Variants in GABRB1 observed in about 807,000 individuals in gnomAD.
The protein encoded by GABRB1 is gamma-aminobutyric acid receptor subunit beta-1.
In GABRB1, 17 loss-of-function variants were observed where a neutral mutation model predicts 51.6. That is an observed-to-expected ratio of 0.33 (90% confidence interval 0.23 to 0.49). The LOEUF (loss-of-function observed/expected upper bound fraction) is 0.49, where lower values mean the gene tolerates loss of function less well. Ranked by LOEUF, GABRB1 falls within the 20% of genes least tolerant of loss-of-function variation. The probability of loss-of-function intolerance (pLI) is 0.99; values close to 1 mark genes in which losing one functional copy is unlikely to be tolerated. For missense variants in GABRB1, 410 were observed against 600.6 expected, an observed-to-expected ratio of 0.68 and a Z score of 3.32; for synonymous variants, 247 against 218.9, an observed-to-expected ratio of 1.13 and a Z score of -1.14.
intron 4 of GABRB1, among the ~76,000 whole-genome samples, chr4:47,290,312 C>T (rs1723675796): frequency 6.6e-6 from 1 of 152,218 alleles, no homozygotes; most frequent in South Asian, 2.1e-4. Flanking sequence ...CACAAGCTCT[C>T]TTCTCTTGTG....
intron 3 of GABRB1, among the ~76,000 whole-genome samples, chr4:47,049,209 T>C (rs1726237063): frequency 6.6e-6 from 1 of 152,106 alleles, no homozygotes; most frequent in South Asian, 2.1e-4. Flanking sequence ...GCAAAGGCGA[T>C]TTGTTTGTTT....
intron 4 of GABRB1, among the ~76,000 whole-genome samples, chr4:47,196,927 A>G (rs1273863319): frequency 6.6e-6 from 1 of 152,232 alleles, no homozygotes; most frequent in African/African-American, 2.4e-5. Context: ...CCTTGAAGGC[A>G]GTGCTCAAAA....
intron 3 of GABRB1, among the ~76,000 whole-genome samples, chr4:47,099,094 T>C (rs562890649): frequency 1.3e-5 from 2 of 152,068 alleles, no homozygotes; most frequent in Non-Finnish European, 2.9e-5. Context: ...AGCAAGATTG[T>C]GAAGATACAT....
intron 4 of GABRB1, among the ~76,000 whole-genome samples, chr4:47,252,654 CCCA>C (rs994472228): frequency 2.0e-5 from 3 of 151,610 alleles, no homozygotes; most frequent in African/African-American, 7.3e-5. Flanking sequence ...GTTACAGGCA[CCCA>C]CCACCATGCC....
At position 47,282,056 on chromosome 4, in the gene GABRB1, AAAG is replaced by A. The variant is rs200022375; in HGVS notation, c.462-38069_462-38067del. On this transcript the variant is annotated intron_variant, in intron 4 of 8. Transcript: ENST00000295454. ...ATATTTAATGTTCTCATCATTAAAA[AAAG>A]ATGAATTGTTAAAATGATTGATATG... Among the ~76,000 whole-genome samples the A allele has an allele frequency of 3.9e-4, 59 of 150,920 alleles. No homozygotes were observed. The East Asian group carries it at 0.012, about 30-fold the overall frequency.
intron 4 of GABRB1, among the ~76,000 whole-genome samples, chr4:47,294,283 C>T (rs1014398753): frequency 5.3e-5 from 8 of 152,106 alleles, no homozygotes; most frequent in Non-Finnish European, 7.4e-5. Flanking sequence ...GCACTGTGCC[C>T]GAGCTGAAGC....
At chr4:47,109,157 T>C (rs1715112738) in intron 3 of GABRB1, among the ~76,000 whole-genome samples, 1 of 152,038 alleles carries the variant, frequency 6.6e-6, no homozygotes. Context: ...ATGCTTAACG[T>C]GAATGTGGTT....
chr4:47,339,874 A>C (rs1467909491), intron 5 of GABRB1, among the ~76,000 whole-genome samples: 1 of 149,646 alleles, frequency 6.7e-6, no homozygotes, highest in Non-Finnish European at 1.5e-5. Flanking sequence ...TGGGAAACTT[A>C]ATTAACTTTC....
chr4:47,275,692 C>T (rs563252694), intron 4 of GABRB1, among the ~76,000 whole-genome samples: 8 of 152,140 alleles, frequency 5.3e-5, no homozygotes, highest in Admixed American at 2.0e-4. Context: ...AACCACCAGA[C>T]GCCTTGTCTG....
At chr4:47,023,717 A>C (rs1359206950) in intron 1 of GABRB1, among the ~76,000 whole-genome samples, 1 of 152,066 alleles carries the variant, frequency 6.6e-6, no homozygotes, top group East Asian at 1.9e-4. Context: ...ATGTGTAAAT[A>C]ATCACAATAA....
At chr4:47,400,482 T>A (rs1728337850) in intron 5 of GABRB1, among the ~76,000 whole-genome samples, 1 of 151,794 alleles carries the variant, frequency 6.6e-6, no homozygotes, top group African/African-American at 2.4e-5. Flanking sequence ...AAGTTGTAGA[T>A]GGAAAGCATA....
chr4:47,231,222 A>C (rs571178292), intron 4 of GABRB1, among the ~76,000 whole-genome samples: 158 of 152,220 alleles, frequency 1.0e-3, no homozygotes, highest in Non-Finnish European at 1.9e-3. Context: ...GATGTTTAGT[A>C]AAATTGATTT....
intron 3 of GABRB1, among the ~76,000 whole-genome samples, chr4:47,061,208 T>C (rs1726832782): frequency 6.6e-6 from 1 of 152,234 alleles, no homozygotes; most frequent in Non-Finnish European, 1.5e-5. Context: ...AATTTGATTC[T>C]GTAAAAAGTG....
chr4:47,347,985 T>A (rs1253236702), intron 5 of GABRB1, among the ~76,000 whole-genome samples: 3 of 152,224 alleles, frequency 2.0e-5, no homozygotes, highest in Non-Finnish European at 4.4e-5. Flanking sequence ...TCATTGTTAA[T>A]GAGGCAAATG....
intron 3 of GABRB1, among the ~76,000 whole-genome samples, chr4:47,127,610 GT>G (rs1429051633): frequency 6.6e-6 from 1 of 151,470 alleles, no homozygotes; most frequent in African/African-American, 2.4e-5. Flanking sequence ...TTTAATGAAT[GT>G]TTTCTCGTTA....
chr4:47,049,168 A>T (rs4315750), intron 3 of GABRB1, among the ~76,000 whole-genome samples: 1 of 151,998 alleles, frequency 6.6e-6, no homozygotes, highest in Non-Finnish European at 1.5e-5. Context: ...ATAAAGGAGG[A>T]AACACAATAG....
intron 4 of GABRB1, among the ~76,000 whole-genome samples, chr4:47,167,528 G>C (rs930614911): frequency 6.6e-6 from 1 of 152,070 alleles, no homozygotes; most frequent in African/African-American, 2.4e-5. Flanking sequence ...CCAGGGCCAG[G>C]TGGTTTTGAG....
In GABRB1 at chr4:47,199,783, G is replaced by C. The variant is rs540070207; in HGVS notation, c.461+38314G>C. On this transcript the variant is annotated intron_variant, in intron 4 of 8. Coordinates refer to ENST00000295454, the MANE Select transcript of GABRB1 (RefSeq NM_000812.4). ...ATCAGCTGAGAGTTAAAATTGGAAG[G>C]AAATGTTCAATGTTGGAAGAATGAT... Among the ~76,000 whole-genome samples, 23 of 152,196 alleles carry C rather than the reference G, an allele frequency of 1.5e-4. No individual in the cohort carries two copies. The South Asian group carries it at 4.6e-3, about 30-fold the overall frequency.
chr4:47,113,341 G>T lies in GABRB1; in HGVS notation c.241-47908G>T, dbSNP rs191606657. On this transcript the variant is annotated intron_variant, in intron 3 of 8. Transcript: ENST00000295454. ...GCGGAGGTTGCAGTGAGCTGGGATC[G>T]TGCCACTGCACTCCAGCCTGGGTGA... Among the ~76,000 whole-genome samples the T allele has an allele frequency of 3.5e-3, 508 of 146,984 alleles. 3 individuals carry two copies. The highest frequency in any genetic ancestry group is 5.7e-3 in the Non-Finnish European group (386 of 67,568).
Sources: allele counts gnomAD v4.1 joint callset (sites outside exome capture counted in the v4.1 genomes callset), GRCh38; gene constraint gnomAD v4.1.1; transcripts MANE v1.5; gene names NCBI Gene and HGNC (gene_info 2026-07-23, HGNC 2026-07-21).